The following FLRT1 variants were observed in gnomAD, a reference collection of about 807,000 sequenced individuals.
The protein encoded by FLRT1 is leucine-rich repeat transmembrane protein FLRT1.
In FLRT1, 14 loss-of-function variants were observed where a neutral mutation model predicts 30.9. That is an observed-to-expected ratio of 0.45 (90% CI 0.30 to 0.71). The LOEUF is 0.71. Among genes scored for constraint, FLRT1 ranks in the 30% least tolerant of loss-of-function variants. The pLI is 0.08. For synonymous variants in FLRT1, 368 were observed against 430.4 expected (o/e 0.85, Z 1.80); for missense variants, 737 against 949.2 (o/e 0.78, Z 2.94).
chr11:64,040,904 G>C (rs148126810), intron 1 of FLRT1, among the ~76,000 whole-genome samples: 2 of 152,064 alleles, frequency 1.3e-5, no homozygotes, highest in Non-Finnish European at 2.9e-5. Context: ...GGCATCCGAC[G>C]TCCGGCCAGG....
rs1944717999 is a variant in FLRT1 at position 64,104,150 on chromosome 11, C to T, written c.-81C>T. 1 of 152,302 alleles carries T rather than the reference C, an allele frequency of 6.6e-6. No individual in the cohort carries two copies. The highest frequency in any genetic ancestry group is 6.5e-5 in the Admixed American group (1 of 15,280). 9.4% of individuals were successfully genotyped at this position (152,302 alleles called of 1,614,324 possible). A position where few individuals can be genotyped will look rare whatever the true frequency, so the allele number is the denominator to read the frequency against. On this transcript the variant is annotated 5_prime_UTR_variant, in exon 2 of 3. Transcript: ENST00000682287. ...TCCGGACCAGTGACCCCAGTCAAAC[C>T]CAGAGGGTCTTGGGCGGCAGCGACG... is the stretch of plus-strand genomic sequence containing the variant.
intron 1 of FLRT1, among the ~76,000 whole-genome samples, chr11:64,085,536 A>G (rs1402859093): frequency 2.0e-5 from 3 of 152,182 alleles, no homozygotes; most frequent in African/African-American, 7.2e-5. Flanking sequence ...AACCCAGCTC[A>G]TAAATCTTCC....
At chr11:64,049,396 AG>A (rs1943647543) in intron 1 of FLRT1, among the ~76,000 whole-genome samples, 1 of 152,192 alleles carries the variant, frequency 6.6e-6, no homozygotes, top group Non-Finnish European at 1.5e-5. Context: ...GGAGGTCAGC[AG>A]GCCCCCTGAG....
intron 1 of FLRT1, among the ~76,000 whole-genome samples, chr11:64,093,429 C>T (rs933668983): frequency 6.6e-6 from 1 of 152,256 alleles, no homozygotes; most frequent in African/African-American, 2.4e-5. Flanking sequence ...GCCAGGCCTC[C>T]ACCTGGCATG....
intron 1 of FLRT1, among the ~76,000 whole-genome samples, chr11:64,099,585 T>G (rs1944635751): frequency 6.7e-6 from 1 of 150,268 alleles, no homozygotes; most frequent in African/African-American, 2.5e-5. Flanking sequence ...GATGGACTGA[T>G]GGAGAGACGG....
At chr11:64,037,788 C>T (rs1943411109) in intron 1 of FLRT1, among the ~76,000 whole-genome samples, 1 of 152,222 alleles carries the variant, frequency 6.6e-6, no homozygotes, top group Non-Finnish European at 1.5e-5. Flanking sequence ...CTGGACTTCA[C>T]CTAGACCTGG....
In FLRT1 at chr11:64,117,603, C is replaced by T. The variant is rs1387380048; in HGVS notation, c.1336C>T (p.Leu446=). Residue 446 remains leucine (L), a synonymous_variant, in exon 3 of 3, where the codon CTG becomes TTG. Coordinates refer to ENST00000682287, the MANE Select transcript of FLRT1 (RefSeq NM_013280.5). ...AKTLAIHVKA[L]TADSIRITWK... ...GACCCTGGCCATCCACGTGAAGGCC[C>T]TGACGGCAGACTCCATCCGCATCAC... The T allele has an allele frequency of 6.2e-6, 10 of 1,613,584 alleles. No homozygotes were observed. In the Admixed American group the frequency reaches 1.7e-4, roughly 27 times the overall value.
intron 1 of FLRT1, among the ~76,000 whole-genome samples, chr11:64,088,444 C>G (rs141862780): frequency 0.014 from 2,149 of 152,274 alleles, 50 homozygotes; most frequent in African/African-American, 0.047. Flanking sequence ...CCTGCAGGTG[C>G]GGCTGTGGGC....
intron 1 of FLRT1, among the ~76,000 whole-genome samples, chr11:64,080,201 CG>C: frequency 6.6e-6 from 1 of 152,012 alleles, no homozygotes; most frequent in East Asian, 1.9e-4. Flanking sequence ...TTAGTAGAGA[CG>C]GGGTATCAAC....
chr11:64,050,627 G>A (rs1943675405), intron 1 of FLRT1, among the ~76,000 whole-genome samples: 1 of 152,218 alleles, frequency 6.6e-6, no homozygotes, highest in Non-Finnish European at 1.5e-5. Flanking sequence ...ACCCAGCAGT[G>A]ACCATGGCCC....
chr11:64,085,932 T>C (rs748779027), intron 1 of FLRT1, among the ~76,000 whole-genome samples: 2 of 150,276 alleles, frequency 1.3e-5, no homozygotes, highest in Non-Finnish European at 3.0e-5. Flanking sequence ...AAGGGGAGGC[T>C]CAGGTGCCCT....
chr11:64,105,906 G>A (rs755434227), intron 2 of FLRT1, among the ~76,000 whole-genome samples: 4 of 148,824 alleles, frequency 2.7e-5, no homozygotes, highest in Non-Finnish European at 5.9e-5. Context: ...GCAGACAATC[G>A]CTGAGGTCCT....
chr11:64,077,803 GC>G (rs1366867852), intron 1 of FLRT1, among the ~76,000 whole-genome samples: 1 of 152,214 alleles, frequency 6.6e-6, no homozygotes, highest in African/African-American at 2.4e-5. Context: ...GCCTCCGGCC[GC>G]CGCTCGGACA....
At chr11:64,101,561 C>T (rs868216676) in intron 1 of FLRT1, among the ~76,000 whole-genome samples, 10 of 152,274 alleles carry the variant, frequency 6.6e-5, no homozygotes, top group South Asian at 2.1e-4. Flanking sequence ...ACAATTTCTG[C>T]GCCCCGGCCA....
chr11:64,044,602 C>G (rs1462602801), intron 1 of FLRT1, among the ~76,000 whole-genome samples: 2 of 152,156 alleles, frequency 1.3e-5, no homozygotes, highest in Admixed American at 1.3e-4. Context: ...TAAACTGAGG[C>G]ACTGAGTGGC....
At chr11:64,049,967 G>T (rs553239007) in intron 1 of FLRT1, among the ~76,000 whole-genome samples, 1 of 152,220 alleles carries the variant, frequency 6.6e-6, no homozygotes, top group East Asian at 1.9e-4. Flanking sequence ...CCTAGCGATC[G>T]CACAGAGCCA....
chr11:64,038,992 C>G (rs1426341253), intron 1 of FLRT1, among the ~76,000 whole-genome samples: 1 of 151,936 alleles, frequency 6.6e-6, no homozygotes, highest in Non-Finnish European at 1.5e-5. Context: ...AATGTGGGGC[C>G]CTTGCCTAGT....
Position 64,096,327 on chromosome 11 carries a change from G to T in FLRT1, c.-1037-6867G>T, listed in dbSNP as rs1944575561. ...GGTTCATCACCCCGAGCTTCCTCTA[G>T]GCTGGACACGGTCCCTAATGGGCAC... On this transcript the variant is annotated intron_variant, in intron 1 of 2. Transcript: ENST00000682287. The surrounding 1 kb of genome is among the most constrained non-coding windows in gnomAD (Gnocchi z 4.6). 6.6e-6 allele frequency among the ~76,000 whole-genome samples: 1 copy of T among 152,220 alleles called. No individual in the cohort carries two copies. Among genetic ancestry groups the T allele is most frequent in the Admixed American group, 6.5e-5 (1 of 15,290 alleles).
intron 1 of FLRT1, among the ~76,000 whole-genome samples, chr11:64,062,476 A>G (rs1943923221): frequency 1.3e-5 from 2 of 152,228 alleles, no homozygotes; most frequent in African/African-American, 4.8e-5. Context: ...TGCAGGAAGC[A>G]TCACAGATTT....
Sources: allele counts gnomAD v4.1 joint callset (sites outside exome capture counted in the v4.1 genomes callset), GRCh38; gene constraint gnomAD v4.1.1; non-coding constraint Gnocchi (gnomAD v3.1); transcripts MANE v1.5; gene names NCBI Gene and HGNC (gene_info 2026-07-23, HGNC 2026-07-21).